The following HTR1F variants were observed in gnomAD, a reference collection of about 807,000 sequenced individuals.
The protein encoded by HTR1F is 5-hydroxytryptamine receptor 1F, also known as 5-hydroxytryptamine (serotonin) receptor 1F, G protein-coupled.
HTR1F carries 17 observed loss-of-function variants against 24.0 expected under a neutral mutation model. The observed-to-expected ratio is 0.71, with a 90% CI of 0.48 to 1.06. HTR1F has a LOEUF of 1.06. Among genes scored for constraint, HTR1F ranks in the 50% least tolerant of loss-of-function variants. The pLI, the probability that HTR1F is intolerant of heterozygous loss-of-function variation, is 0.00. For missense variants in HTR1F, 391 were observed against 427.8 expected (o/e 0.91, Z 0.76); for synonymous variants, 186 against 156.8 (o/e 1.19, Z -1.39).
At chr3:87,870,480 A>C (rs748088101) in intron 2 of HTR1F, among the ~76,000 whole-genome samples, 2 of 152,114 alleles carry the variant, frequency 1.3e-5, no homozygotes, top group African/African-American at 4.8e-5. Flanking sequence ...AATTAAGAAA[A>C]GCTACTGTAT....
At chr3:87,934,161 TAATC>T (rs1171235200) in intron 2 of HTR1F, among the ~76,000 whole-genome samples, 8 of 152,202 alleles carry the variant, frequency 5.3e-5, no homozygotes, top group Non-Finnish European at 1.2e-4. Flanking sequence ...CAGTAACTGT[TAATC>T]AAAGCATATC....
chr3:87,798,207 C>G (rs569517328), intron 1 of HTR1F, among the ~76,000 whole-genome samples: 94 of 152,214 alleles, frequency 6.2e-4, no homozygotes, highest in African/African-American at 1.9e-3. Context: ...GCCCCCTCCC[C>G]CTTCAGTCTC....
At chr3:87,823,836 G>A (rs138833017) in intron 2 of HTR1F, among the ~76,000 whole-genome samples, 109 of 152,130 alleles carry the variant, frequency 7.2e-4, no homozygotes, top group African/African-American at 2.3e-3. Context: ...CGATGCGGGC[G>A]GATCACGAGT....
At chr3:87,796,367 ATAT>A (rs1375291810) in intron 1 of HTR1F, among the ~76,000 whole-genome samples, 4 of 152,170 alleles carry the variant, frequency 2.6e-5, no homozygotes, top group Non-Finnish European at 5.9e-5. Context: ...AGCTTACTAG[ATAT>A]CTAGGTGCAG....
At chr3:87,916,309 G>GAA (rs34801984) in intron 2 of HTR1F, among the ~76,000 whole-genome samples, 1,822 of 110,910 alleles carry the variant, frequency 0.016, 21 homozygotes, top group Non-Finnish European at 0.024. Flanking sequence ...AAGCAAAAAA[G>GAA]AAAAAAAAAA....
At chr3:87,937,136 C>G (rs1704443461) in intron 2 of HTR1F, among the ~76,000 whole-genome samples, 1 of 148,858 alleles carries the variant, frequency 6.7e-6, no homozygotes, top group Non-Finnish European at 1.5e-5. Flanking sequence ...TCTATGAGGC[C>G]AGCATCATCC....
At chr3:87,905,707 T>C (rs1703651410) in intron 2 of HTR1F, among the ~76,000 whole-genome samples, 1 of 150,078 alleles carries the variant, frequency 6.7e-6, no homozygotes, top group South Asian at 2.1e-4. Context: ...GACTCAAAGG[T>C]GTAACCTTCT....
Position 87,991,105 on chromosome 3 carries a change from T to C in HTR1F, c.356T>C (p.Leu119Ser). ...ATCTTGCATCTCTCAGCTATAGCTT[T>C]GGATCGGTATCGAGCAATCACAGAT... ...CSILHLSAIA[L>S]DRYRAITDAV... The change falls in exon 3 of 3, where the codon TTG becomes TCG. Residue 119 changes from leucine to serine, a missense_variant. Physicochemically the swap from Leu to Ser is moderately radical, Grantham distance 145. Coordinates refer to ENST00000319595, the MANE Select transcript of HTR1F (RefSeq NM_001322209.2). The C allele has an allele frequency of 6.2e-7, 1 of 1,614,032 alleles. No individual in the cohort carries two copies. Among genetic ancestry groups the C allele is most frequent in the Non-Finnish European group, 8.5e-7 (1 of 1,180,024 alleles).
chr3:87,931,277 C>T (rs1251441675), intron 2 of HTR1F, among the ~76,000 whole-genome samples: 2 of 151,844 alleles, frequency 1.3e-5, no homozygotes. Flanking sequence ...CAATTCCCAT[C>T]TATGAGTGAG....
At position 87,907,711 on chromosome 3, in the gene HTR1F, T is replaced by C. The variant is rs73847710; in HGVS notation, c.-42-82997T>C. On this transcript the variant is annotated intron_variant, in intron 2 of 2. Transcript: ENST00000319595. ...CTACAGCTTAAAGGAATAAAGTAAA[T>C]ATTACTTAAATAGACTGGAGGCAAT... 5.5e-3 allele frequency among the ~76,000 whole-genome samples: 832 copies of C among 151,978 alleles called. 4 individuals are homozygous for C. The highest frequency in any genetic ancestry group is 0.019 in the African/African-American group (794 of 41,496).
intron 2 of HTR1F, among the ~76,000 whole-genome samples, chr3:87,884,337 C>T (rs1056167266): frequency 1.3e-5 from 2 of 152,158 alleles, no homozygotes; most frequent in Non-Finnish European, 2.9e-5. Context: ...CTTACAAGAG[C>T]TGCTGAAGGA....
chr3:87,938,134 T>C (rs1053366574), intron 2 of HTR1F, among the ~76,000 whole-genome samples: 25 of 151,992 alleles, frequency 1.6e-4, no homozygotes, highest in African/African-American at 5.3e-4. Flanking sequence ...CTAACATTCC[T>C]ATACACCAAC....
At chr3:87,920,672 G>T (rs1352848430) in intron 2 of HTR1F, among the ~76,000 whole-genome samples, 6 of 151,908 alleles carry the variant, frequency 3.9e-5, no homozygotes. Flanking sequence ...GGAGCTAAAT[G>T]ATTGCACACA....
chr3:87,958,208 G>A (rs1223894003), intron 2 of HTR1F, among the ~76,000 whole-genome samples: 1 of 151,530 alleles, frequency 6.6e-6, no homozygotes, highest in Non-Finnish European at 1.5e-5. Flanking sequence ...GTATTCTGCA[G>A]TTGTTGGGTA....
intron 1 of HTR1F, among the ~76,000 whole-genome samples, chr3:87,811,027 ATAGTAAGTAC>A (rs1251907152): frequency 7.2e-5 from 11 of 152,226 alleles, no homozygotes; most frequent in Non-Finnish European, 8.8e-5. Context: ...AATAGGCCAT[ATAGTAAGTAC>A]TAGTAAGTAA....
chr3:87,929,036 T>C (rs1704195311), intron 2 of HTR1F, among the ~76,000 whole-genome samples: 1 of 152,224 alleles, frequency 6.6e-6, no homozygotes, highest in African/African-American at 2.4e-5. Context: ...TCACATCACC[T>C]GTCAGCTGGA....
At chr3:87,892,027 G>T (rs1365944868) in intron 2 of HTR1F, among the ~76,000 whole-genome samples, 1 of 152,126 alleles carries the variant, frequency 6.6e-6, no homozygotes, top group Non-Finnish European at 1.5e-5. Flanking sequence ...GGATCTTGCA[G>T]AAACCTAAAG....
intron 2 of HTR1F, among the ~76,000 whole-genome samples, chr3:87,849,945 AAGTC>A (rs1705042842): frequency 6.6e-6 from 1 of 151,974 alleles, no homozygotes; most frequent in Non-Finnish European, 1.5e-5. Context: ...GATCATTAAA[AAGTC>A]AGGAAACAAC....
chr3:87,808,314 G>T (rs539311725), intron 1 of HTR1F, among the ~76,000 whole-genome samples: 79 of 151,974 alleles, frequency 5.2e-4, no homozygotes, highest in Non-Finnish European at 9.0e-4. Context: ...GATCTGTTCA[G>T]ATTTTTAATT....
Sources: allele counts gnomAD v4.1 joint callset (sites outside exome capture counted in the v4.1 genomes callset), GRCh38; gene constraint gnomAD v4.1.1; transcripts MANE v1.5; gene names NCBI Gene and HGNC (gene_info 2026-07-23, HGNC 2026-07-21).